TSC22D1: variants seen among roughly 807,000 people sequenced by gnomAD.
TSC22D1 encodes TSC22 domain family member 1.
Under a neutral mutation model 74.2 loss-of-function variants are expected in TSC22D1, and 9 were observed. The observed-to-expected ratio is 0.12, with a 90% CI of 0.07 to 0.21. The LOEUF (loss-of-function observed/expected upper bound fraction) is 0.21. Ranked by LOEUF, TSC22D1 falls within the 10% of genes least tolerant of loss-of-function variation. TSC22D1 has a pLI of 1.00. For missense variants in TSC22D1, 1,427 were observed against 1,304.7 expected, an observed-to-expected ratio of 1.09 and a Z score of -1.44; for synonymous variants, 586 against 492.5, an observed-to-expected ratio of 1.19 and a Z score of -2.51.
intron 1 of TSC22D1, among the ~76,000 whole-genome samples, chr13:44,439,740 T>A (rs1180763240): frequency 1.3e-5 from 2 of 152,246 alleles, no homozygotes; most frequent in Non-Finnish European, 1.5e-5. Context: ...GTTGTCTGCC[T>A]AAAAGCCTTT....
At position 44,575,065 on chromosome 13, in the gene TSC22D1, T is replaced by C. The variant is rs78001192; in HGVS notation, c.1010A>G (p.Asn337Ser). The C allele has an allele frequency of 7.9e-5, 127 of 1,614,176 alleles. No individual in the cohort carries two copies. In the East Asian group the frequency reaches 2.8e-3, roughly 36 times the overall value. ...ACTAGGAATATTGCTTGTACTTATA[T>C]TAACATTACCAAGCATGCTGCTTGT... ...NVTSSMLGNV[N>S]ISTSNIPSAA... Residue 337 changes from asparagine (N) to serine (S), a missense_variant, in exon 1 of 3, where the codon AAT becomes AGT. Asn to Ser is a conservative substitution (Grantham distance 46, BLOSUM62 1). Coordinates refer to ENST00000458659, the MANE Select transcript of TSC22D1 (RefSeq NM_183422.4).
intron 1 of TSC22D1, among the ~76,000 whole-genome samples, chr13:44,486,172 T>C (rs965554499): frequency 1.3e-5 from 2 of 151,782 alleles, no homozygotes; most frequent in African/African-American, 2.4e-5. Context: ...TCACAATAAA[T>C]ATAAACAGAC....
intron 1 of TSC22D1, among the ~76,000 whole-genome samples, chr13:44,517,774 T>TATATACAC (rs1555269353): frequency 3.2e-4 from 38 of 120,166 alleles, no homozygotes; most frequent in African/African-American, 1.2e-3. Flanking sequence ...TATATATATA[T>TATATACAC]ATACACATAT....
At chr13:44,469,411 A>G (rs1877470110) in intron 1 of TSC22D1, among the ~76,000 whole-genome samples, 1 of 152,218 alleles carries the variant, frequency 6.6e-6, no homozygotes, top group Admixed American at 6.5e-5. Context: ...TTAAATGTTC[A>G]AATCTCATAC....
intron 1 of TSC22D1, among the ~76,000 whole-genome samples, chr13:44,494,540 A>G (rs1869581881): frequency 6.6e-6 from 1 of 151,942 alleles, no homozygotes; most frequent in Admixed American, 6.6e-5. Flanking sequence ...CCTGGGCAAC[A>G]CAGCGAGACC....
intron 1 of TSC22D1, among the ~76,000 whole-genome samples, chr13:44,439,634 A>G (rs1195197628): frequency 6.6e-6 from 1 of 152,244 alleles, no homozygotes; most frequent in Non-Finnish European, 1.5e-5. Context: ...ATATAAGTCT[A>G]TTTCAGGCAC....
Position 44,576,294 on chromosome 13 carries a change from G to A in TSC22D1, c.-220C>T, listed in dbSNP as rs1884242793. ...GGGTGAACAGGGCGGCCGGGGACCCGAAGGGGGGATCCCTTCAGTCCTTCG... is the reference window on the plus strand; with the variant it reads ...GGGTGAACAGGGCGGCCGGGGACCCAAAGGGGGGATCCCTTCAGTCCTTCG... On this transcript the variant is annotated 5_prime_UTR_variant, in exon 1 of 3. Coordinates refer to ENST00000458659, the MANE Select transcript of TSC22D1 (RefSeq NM_183422.4). 1.7e-6 allele frequency: 1 copy of A among 602,718 alleles called. No homozygotes were observed. Among genetic ancestry groups the A allele is most frequent in the Non-Finnish European group, 2.8e-6 (1 of 353,716 alleles). The allele number at this position is 602,718 out of a possible 1,614,324, so 37.3% of individuals were successfully genotyped here.
chr13:44,484,782 C>T (rs529768719), intron 1 of TSC22D1, among the ~76,000 whole-genome samples: 1 of 152,290 alleles, frequency 6.6e-6, no homozygotes, highest in South Asian at 2.1e-4. Flanking sequence ...CCTCAAGCCA[C>T]ACAGGTGGGT....
Position 44,574,775 on chromosome 13 carries a change from T to C in TSC22D1, c.1300A>G (p.Asn434Asp). 1.2e-6 allele frequency: 2 copies of C among 1,614,102 alleles called. No homozygotes were observed. Among genetic ancestry groups the C allele is most frequent in the Non-Finnish European group, 1.7e-6 (2 of 1,180,042 alleles). The change falls in exon 1 of 3, where the codon AAT (asparagine) becomes GAT (aspartate). Residue 434 changes from asparagine to aspartate, a missense_variant. Around this residue, in one of 3 missense-constraint regions of TSC22D1, gnomAD observed 1,343 missense variants for 1,191.5 expected, o/e 1.13. Transcript: ENST00000458659. ...ACACCTTCTGTAGCAGGTACAGCAT[T>C]TTCTTTTTCATAGAACTCAGTGCAA... ...WTCTEFYEKENAVPATEGVLI... is the reference protein window; with the variant it reads ...WTCTEFYEKEDAVPATEGVLI...
At chr13:44,531,211 G>C (rs1458635836) in intron 1 of TSC22D1, among the ~76,000 whole-genome samples, 1 of 152,134 alleles carries the variant, frequency 6.6e-6, no homozygotes, top group East Asian at 1.9e-4. Flanking sequence ...TGGGAGGGAG[G>C]AGGAGGTAAA....
intron 1 of TSC22D1, chr13:44,539,197 C>A: frequency 1.0e-6 from 1 of 985,228 alleles, no homozygotes; most frequent in Non-Finnish European, 1.2e-6. Flanking sequence ...TATCCTGAAA[C>A]TTACATTCAT....
intron 1 of TSC22D1, among the ~76,000 whole-genome samples, chr13:44,493,018 T>TGG (rs2137962678): frequency 6.6e-6 from 1 of 152,214 alleles, no homozygotes; most frequent in African/African-American, 2.4e-5. Flanking sequence ...ACGGGAGTAA[T>TGG]GTCAGCAAAG....
intron 1 of TSC22D1, among the ~76,000 whole-genome samples, chr13:44,441,425 T>C (rs923937020): frequency 6.6e-6 from 1 of 152,192 alleles, no homozygotes; most frequent in Non-Finnish European, 1.5e-5. Context: ...AAAATATACA[T>C]GACCCATATT....
intron 1 of TSC22D1, among the ~76,000 whole-genome samples, chr13:44,447,563 GCTTT>G (rs1875782888): frequency 1.3e-5 from 2 of 151,916 alleles, no homozygotes; most frequent in South Asian, 4.1e-4. Context: ...TTAAATACTT[GCTTT>G]AAGTGTGAGA....
At chr13:44,560,772 C>G (rs74068221) in intron 1 of TSC22D1, among the ~76,000 whole-genome samples, 2,523 of 152,274 alleles carry the variant, frequency 0.017, 58 homozygotes, top group African/African-American at 0.057. Context: ...TTTATTCTTA[C>G]ACCCATGATT....
intron 1 of TSC22D1, among the ~76,000 whole-genome samples, chr13:44,480,804 T>C (rs1878140910): frequency 6.6e-6 from 1 of 152,190 alleles, no homozygotes; most frequent in Non-Finnish European, 1.5e-5. Context: ...TCCTTTTACA[T>C]AAATGTTTGT....
chr13:44,443,023 G>GA lies in TSC22D1; in HGVS notation c.2913-6929dup, dbSNP rs766837610. Among the ~76,000 whole-genome samples the GA allele has an allele frequency of 4.3e-3, 546 of 126,908 alleles. 3 individuals carry two copies. The highest frequency in any genetic ancestry group is 9.7e-3 in the African/African-American group (337 of 34,586). 83.3% of individuals were successfully genotyped at this position (126,908 alleles called of 152,430 possible). A position where few individuals can be genotyped will look rare whatever the true frequency, so the allele number is the denominator to read the frequency against. On this transcript the variant is annotated intron_variant, in intron 1 of 2. Coordinates refer to ENST00000458659, the MANE Select transcript of TSC22D1 (RefSeq NM_183422.4). ...CAAATATATCTGTAGTGAAGTCCCTGAAAAAAAAAAAAAAGGAGAGAAAAC... is the reference window on the plus strand; with the variant it reads ...CAAATATATCTGTAGTGAAGTCCCTGAAAAAAAAAAAAAAAGGAGAGAAAAC...
intron 1 of TSC22D1, among the ~76,000 whole-genome samples, chr13:44,541,336 C>A (rs1223923124): frequency 1.3e-5 from 2 of 152,154 alleles, no homozygotes; most frequent in Non-Finnish European, 2.9e-5. Context: ...AATGAGCTAA[C>A]CCTTCTGCAC....
In TSC22D1 at chr13:44,575,045, G is replaced by A. The variant is rs1407574980; in HGVS notation, c.1030C>T (p.Pro344Ser). The A allele has an allele frequency of 2.5e-6, 4 of 1,613,986 alleles. No individual in the cohort carries two copies. Among genetic ancestry groups the A allele is most frequent in the Admixed American group, 1.7e-5 (1 of 59,998 alleles). Residue 344 changes from proline (P) to serine (S), a missense_variant, in exon 1 of 3, where the codon CCT (proline) becomes TCT (serine). Physicochemically the swap from Pro to Ser is moderately conservative, Grantham distance 74. This residue lies in a region of TSC22D1 where 1,343 missense variants were observed against 1,191.5 expected (regional missense o/e 1.13). Transcript: ENST00000458659. ...GNVNISTSNI[P>S]SAAGVSVGPG... ...CCAACACTCACACCAGCAGCACTAGGAATATTGCTTGTACTTATATTAACA... is the reference window on the plus strand; with the variant it reads ...CCAACACTCACACCAGCAGCACTAGAAATATTGCTTGTACTTATATTAACA...
Sources: allele counts gnomAD v4.1 joint callset (sites outside exome capture counted in the v4.1 genomes callset), GRCh38; gene constraint gnomAD v4.1.1; regional missense constraint gnomAD v4.1.1; transcripts MANE v1.5; gene names NCBI Gene and HGNC (gene_info 2026-07-23, HGNC 2026-07-21).